CGN: variants seen among roughly 807,000 people sequenced by gnomAD.
CGN encodes the protein cingulin.
Under a neutral mutation model 157.1 loss-of-function variants are expected in CGN, and 121 were observed. The observed-to-expected ratio is 0.77, with a 90% CI of 0.66 to 0.90. The LOEUF is 0.90. Among genes scored for constraint, CGN ranks in the 40% least tolerant of loss-of-function variants. The pLI is 0.00. For synonymous variants in CGN, 535 were observed against 607.5 expected (o/e 0.88, Z 1.76); for missense variants, 1,424 against 1,520.9 (o/e 0.94, Z 1.06).
intron 2 of CGN, among the ~76,000 whole-genome samples, 160 bp downstream of exon 2, chr1:151,519,552 T>A (rs1206777533): frequency 6.6e-6 from 1 of 152,208 alleles, no homozygotes; most frequent in Non-Finnish European, 1.5e-5. Flanking sequence ...ATAGGTGATA[T>A]TCACATGCAC....
chr1:151,527,950 A>ATATATATTTTTTT (rs1162526104), intron 10 of CGN: 4 of 80,472 alleles, frequency 5.0e-5, no homozygotes, highest in South Asian at 4.7e-4. Context: ...ATATATATAT[A>ATATATATTTTTTT]TTTTTTTTTT....
In CGN at chr1:151,529,536, C is replaced by G. The variant is rs534471408; in HGVS notation, c.2083C>G (p.Gln695Glu). 6.2e-6 allele frequency: 10 copies of G among 1,613,812 alleles called. No homozygotes were observed. In the South Asian group the frequency reaches 8.8e-5, roughly 14 times the overall value. ...ACAAAAGACCCTCCAGCAACTGCGA[C>G]AGGACTGTGAAGAGGCTTCCAAGGC... ...QLQKTLQQLR[Q>E]DCEEASKAKM... The change falls in exon 11 of 21, where the codon CAG becomes GAG. Residue 695 changes from glutamine to glutamate, a missense_variant. By Grantham distance (29) the Gln-to-Glu change is conservative. This residue lies in a region of CGN where 1,187 missense variants were observed against 1,217.6 expected (regional missense o/e 0.97). Coordinates refer to ENST00000271636, the MANE Select transcript of CGN (RefSeq NM_020770.3).
intron 14 of CGN, 39 bp downstream of exon 14, chr1:151,532,611 T>C: frequency 7.2e-5 from 45 of 623,216 alleles, no homozygotes; most frequent in Middle Eastern, 5.2e-4. Context: ...GGTCCTTGCC[T>C]CTTTTTTTTT....
chr1:151,513,495 C>A (rs372847108), intron 1 of CGN, among the ~76,000 whole-genome samples: 1 of 152,178 alleles, frequency 6.6e-6, no homozygotes, highest in Non-Finnish European at 1.5e-5. Flanking sequence ...TTTTCTATTT[C>A]GACCATTTGC....
At position 151,534,094 on chromosome 1, in the gene CGN, G is replaced by C. The variant is rs1664905514; in HGVS notation, c.2862G>C (p.Lys954Asn). The C allele has an allele frequency of 6.2e-6, 10 of 1,610,756 alleles. No homozygotes were observed. The highest frequency in any genetic ancestry group is 7.6e-6 in the Non-Finnish European group (9 of 1,178,512). ...TGGAGCAAGAGGCAGAGAACAAGAA[G>C]CGTTCCCAGGACGACAGGGCCCGGC... Reference protein sequence around the residue: ...QGLEQEAENKKRSQDDRARQL... With the variant: ...QGLEQEAENKNRSQDDRARQL... Residue 954 changes from lysine (K) to asparagine (N), a missense_variant, in exon 15 of 21, where the codon AAG (lysine) becomes AAC (asparagine). By Grantham distance (94) the Lys-to-Asn change is moderately conservative. Transcript: ENST00000271636.
In CGN at chr1:151,533,978, C is replaced by G. The variant is rs778866252; in HGVS notation, c.2746C>G (p.Gln916Glu). The change falls in exon 15 of 21, where the codon CAG becomes GAG. Residue 916 changes from glutamine to glutamate, a missense_variant. By Grantham distance (29) the Gln-to-Glu change is conservative. Transcript: ENST00000271636. ...GGCATTTTTACCCCCTGCCCAGATC[C>G]AGAGGCTGCGGCAGGCCCTGCAGGC... ...GGLSRLQDEI[Q>E]RLRQALQASQ... 2 of 1,607,420 alleles carry G rather than the reference C, an allele frequency of 1.2e-6. No individual in the cohort carries two copies. The highest frequency in any genetic ancestry group is 1.7e-6 in the Non-Finnish European group (2 of 1,178,130).
rs757866674 is a variant in CGN at position 151,518,969 on chromosome 1, T to A, written c.450T>A (p.Ser150Arg). 15 of 1,614,062 alleles carry A rather than the reference T, an allele frequency of 9.3e-6. No homozygotes were observed. The highest frequency in any genetic ancestry group is 1.1e-5 in the Non-Finnish European group (13 of 1,180,020). ...CAGGCCCTGGCCCAGTGGATCCTAG[T>A]AACAGAAGCAACAGCATGCTGGAGC... ...SLAGPGPVDP[S>R]NRSNSMLELA... The change falls in exon 2 of 21, where the codon AGT becomes AGA. Residue 150 changes from serine to arginine, a missense_variant. Physicochemically the swap from Ser to Arg is moderately radical, Grantham distance 110. This residue lies in a region of CGN where 1,187 missense variants were observed against 1,217.6 expected (regional missense o/e 0.97). Transcript: ENST00000271636.
rs759696577 is a variant in CGN, at chr1:151,529,360, G to A, written c.1907G>A (p.Arg636Gln). 26 of 1,613,466 alleles carry A rather than the reference G, an allele frequency of 1.6e-5. No homozygotes were observed. Among genetic ancestry groups the A allele is most frequent in the Admixed American group, 8.3e-5 (5 of 59,978 alleles). The change falls in exon 11 of 21, where the codon CGG becomes CAG. Residue 636 changes from arginine (R) to glutamine (Q), a missense_variant. Coordinates refer to ENST00000271636, the MANE Select transcript of CGN (RefSeq NM_020770.3). ...CCCGTTTCCTTCCAGGAGCTGCTCCGGACACAGGAGGAGCTTAAGGAACTG... is the reference window on the plus strand; with the variant it reads ...CCCGTTTCCTTCCAGGAGCTGCTCCAGACACAGGAGGAGCTTAAGGAACTG... ...QVEVLKKELLRTQEELKELQA... is the reference protein window; with the variant it reads ...QVEVLKKELLQTQEELKELQA...
At chr1:151,510,985 T>G (rs1664267698), upstream of CGN, 1 of 152,150 alleles carries the variant, frequency 6.6e-6, no homozygotes, top group South Asian at 2.1e-4. Context: ...GAAAGAGCAT[T>G]CTGGTTCCTG....
Position 151,511,597 on chromosome 1 carries a change from G to T in CGN, c.-15+82G>T, listed in dbSNP as rs944034405. 1 of 153,458 alleles carries T rather than the reference G, an allele frequency of 6.5e-6. No individual in the cohort carries two copies. Among genetic ancestry groups the T allele is most frequent in the Non-Finnish European group, 1.5e-5 (1 of 68,454 alleles). The allele number at this position is 153,458 out of a possible 1,614,324, so 9.5% of individuals were successfully genotyped here. A position where few individuals can be genotyped will look rare whatever the true frequency, so the allele number is the denominator to read the frequency against. On this transcript the variant is annotated intron_variant, in intron 1 of 20. Transcript: ENST00000271636. This position sits in a 1 kb window ranked among gnomAD's most constrained non-coding sequence, Gnocchi z 4.8. ...ACCTTTGAGGGGCAGGCATCGAGGC[G>T]GTGTGAGATGCCCCTCTCCAGGGCA...
intron 14 of CGN, among the ~76,000 whole-genome samples, chr1:151,533,248 C>T (rs1237476421): frequency 2.0e-5 from 3 of 152,092 alleles, no homozygotes; most frequent in East Asian, 1.9e-4. Flanking sequence ...GAGGCTGAGG[C>T]GGGCAGATCA....
rs1287581425 is a variant in CGN, at chr1:151,530,108, G to A, written c.2306G>A (p.Arg769Gln). 2.7e-5 allele frequency: 44 copies of A among 1,610,950 alleles called. No individual in the cohort carries two copies. The highest frequency in any genetic ancestry group is 4.0e-5 in the African/African-American group (3 of 74,834). The change falls in exon 12 of 21, where the codon CGG becomes CAG. Residue 769 changes from arginine (R) to glutamine (Q), a missense_variant. Transcript: ENST00000271636. The part of the protein sequence containing the change: ...VEARLRDKLQ[R>Q]LEAEKQQLEE... ...GCACGACTACGGGACAAGCTGCAGC[G>A]GCTGGAGGTCAGTGGTTCTGCCCTC...
At position 151,520,093 on chromosome 1, in the gene CGN, C is replaced by T. The variant is rs191052457; in HGVS notation, c.874-73C>T. 269 of 1,171,018 alleles carry T rather than the reference C, an allele frequency of 2.3e-4. 1 individual carries two copies. Among genetic ancestry groups the T allele is most frequent in the African/African-American group, 1.3e-3 (84 of 64,368 alleles). 72.5% of individuals were successfully genotyped at this position (1,171,018 alleles called of 1,614,324 possible). On this transcript the variant is annotated intron_variant, in intron 2 of 20. Transcript: ENST00000271636. ...CCACTTCTCCTCCATCTGAACCCCA[C>T]GCATGCTTCTGGCCTAATCTTCCTA... is the stretch of plus-strand genomic sequence containing the variant.
At chr1:151,522,321 G>C (rs1013795164) in intron 5 of CGN, among the ~76,000 whole-genome samples, 7 of 151,976 alleles carry the variant, frequency 4.6e-5, no homozygotes, top group African/African-American at 1.4e-4. Flanking sequence ...TAATGAATAA[G>C]ATAGACAAAA....
Position 151,517,502 on chromosome 1 carries a change from CACA to C in CGN, c.-14-1003_-14-1001del, listed in dbSNP as rs376594703. Among the ~76,000 whole-genome samples, 86 of 150,704 alleles carry C rather than the reference CACA, an allele frequency of 5.7e-4. 1 individual carries two copies. The East Asian group carries it at 0.012, about 21-fold the overall frequency. On this transcript the variant is annotated intron_variant, in intron 1 of 20. Coordinates refer to ENST00000271636, the MANE Select transcript of CGN (RefSeq NM_020770.3). ...TTGGTGGGAGGAAGGGAAGAAGGCA[CACA>C]GTGTTTTTTTTTTTTTTTTTTGGAG...
Position 151,537,658 on chromosome 1 carries a change from G to A in CGN, c.*312G>A, listed in dbSNP as rs577307617. The A allele has an allele frequency of 3.9e-6, 1 of 257,416 alleles. No individual in the cohort carries two copies. Among genetic ancestry groups the A allele is most frequent in the Non-Finnish European group, 7.5e-6 (1 of 134,082 alleles). The allele number at this position is 257,416 out of a possible 1,614,324, so 15.9% of individuals were successfully genotyped here. Reference sequence around the variant, plus strand: ...GATGGGGACTGAGAAGGATAGGAAGGGATAGAAATTGCCATGTGTATAAAG... The same window carrying A: ...GATGGGGACTGAGAAGGATAGGAAGAGATAGAAATTGCCATGTGTATAAAG... On this transcript the variant is annotated 3_prime_UTR_variant, in exon 21 of 21. Coordinates refer to ENST00000271636, the MANE Select transcript of CGN (RefSeq NM_020770.3).
At chr1:151,517,824 T>C (rs1360789615) in intron 1 of CGN, among the ~76,000 whole-genome samples, 1 of 151,640 alleles carries the variant, frequency 6.6e-6, no homozygotes, top group Non-Finnish European at 1.5e-5. Context: ...ATGGTGGTAT[T>C]ATATGTATGT....
intron 1 of CGN, among the ~76,000 whole-genome samples, chr1:151,515,116 C>G (rs1242831402): frequency 6.6e-6 from 1 of 151,822 alleles, no homozygotes; most frequent in African/African-American, 2.4e-5. Context: ...AATTCTCCTG[C>G]CTCGGCCTCC....
chr1:151,518,637 C>A lies in CGN; in HGVS notation c.118C>A (p.Arg40=), dbSNP rs376940080. The A allele has an allele frequency of 2.5e-6, 4 of 1,613,980 alleles. No individual in the cohort carries two copies. The highest frequency in any genetic ancestry group is 3.4e-6 in the Non-Finnish European group (4 of 1,180,030). Reference sequence around the variant, plus strand: ...GATGGGCACTCTACGTCGAGGTGGACGACGCCCAGCTAAGGATGCAAGAGC... The same window carrying A: ...GATGGGCACTCTACGTCGAGGTGGAAGACGCCCAGCTAAGGATGCAAGAGC... ...AEMGTLRRGG[R]RPAKDARAST... The change falls in exon 2 of 21, where the codon CGA becomes AGA. Residue 40 remains arginine (R), a synonymous_variant. Transcript: ENST00000271636.
Sources: gnomAD v4.1 joint callset for allele counts (sites outside exome capture counted in the v4.1 genomes callset) on GRCh38, gnomAD v4.1.1 for gene constraint, gnomAD v4.1.1 regional missense constraint, Gnocchi (gnomAD v3.1) non-coding constraint, MANE v1.5 for transcripts, NCBI Gene and HGNC (gene_info 2026-07-23, HGNC 2026-07-21) for gene names.